Variants in ARMC6 observed in about 807,000 individuals in gnomAD.
ARMC6 encodes the protein armadillo repeat-containing protein 6.
ARMC6 carries 43 observed loss-of-function variants against 49.2 expected under a neutral mutation model. The observed-to-expected ratio is 0.87, with a 90% confidence interval of 0.69 to 1.13. ARMC6 has a LOEUF of 1.13. Ranked by LOEUF, ARMC6 falls within the 50% of genes most tolerant of loss-of-function variation. The pLI is 0.00. For synonymous variants in ARMC6, 262 were observed against 289.6 expected (o/e 0.90, Z 0.97); for missense variants, 627 against 682.0 (o/e 0.92, Z 0.90).
At chr19:19,051,467 T>C (rs1263948540) in intron 4 of ARMC6, among the ~76,000 whole-genome samples, 155 bp from the exon 5 acceptor site, 1 of 151,472 alleles carries the variant, frequency 6.6e-6, no homozygotes, top group Non-Finnish European at 1.5e-5. Flanking sequence ...GAATCACAGG[T>C]CTGGAAGTTG....
rs774018610 is a variant in ARMC6, at chr19:19,057,552, CCGCCCTG to C, written c.1433_1439del (p.Ala478GlyfsTer34). 1.1e-4 allele frequency: 185 copies of C among 1,613,724 alleles called. No homozygotes were observed. In the Admixed American group the frequency reaches 3.0e-3, roughly 26 times the overall value. ...CGTGACTGTGAGGACGTGGCCAAGG[CCGCCCTG>C]CGGGACCTGGGTTGTCATGTCGAGC... On this transcript the variant is annotated frameshift_variant, in exon 9 of 9. Coordinates refer to ENST00000535612, the MANE Select transcript of ARMC6 (RefSeq NM_001199196.2). LOFTEE classifies it high-confidence loss of function.
intron 2 of ARMC6, chr19:19,040,826 T>G (rs1173860075): frequency 9.5e-6 from 4 of 421,748 alleles, no homozygotes; most frequent in Non-Finnish European, 1.9e-5. Context: ...ATTTTGATTT[T>G]GATATGTACT....
intron 6 of ARMC6, 34 bp downstream of exon 6, chr19:19,054,355 C>T: frequency 6.8e-7 from 1 of 1,463,992 alleles, no homozygotes; most frequent in Non-Finnish European, 9.1e-7. Flanking sequence ...GCGTGCTGTC[C>T]TTCTGGGTCC....
At chr19:19,040,802 C>A in intron 2 of ARMC6, 1 of 432,410 alleles carries the variant, frequency 2.3e-6, no homozygotes, top group Admixed American at 2.7e-5. Flanking sequence ...CGTGAGCCAC[C>A]ACACCTGGCC....
chr19:19,055,699 G>A lies in ARMC6; in HGVS notation c.1156-92G>A, dbSNP rs1338913127. On this transcript the variant is annotated intron_variant, in intron 7 of 8. Coordinates refer to ENST00000535612, the MANE Select transcript of ARMC6 (RefSeq NM_001199196.2). This position sits in a 1 kb window ranked among gnomAD's most constrained non-coding sequence, Gnocchi z 5.7. ...GCCAGAGACCCACGGAGGGGAGGCC[G>A]CAGGGTGTTCACCAGGGGTTGGTGG... 12 of 1,480,404 alleles carry A rather than the reference G, an allele frequency of 8.1e-6. No individual in the cohort carries two copies. Among genetic ancestry groups the A allele is most frequent in the South Asian group, 4.0e-5 (3 of 75,214 alleles). The allele number at this position is 1,480,404 out of a possible 1,614,324, so 91.7% of individuals were successfully genotyped here.
Position 19,057,410 on chromosome 19 carries a change from C to T in ARMC6, c.1294-6C>T. The stretch of plus-strand genomic sequence containing the variant: ...TCTGGCAGCTCACAGCTGCTCTCTC[C>T]TACAGAAACAGGCTTGCATGCTGAT... On this transcript the variant is annotated splice_region_variant and splice_polypyrimidine_tract_variant and intron_variant, in intron 8 of 8. Coordinates refer to ENST00000535612, the MANE Select transcript of ARMC6 (RefSeq NM_001199196.2). 6.2e-7 allele frequency: 1 copy of T among 1,611,806 alleles called. No homozygotes were observed. Among genetic ancestry groups the T allele is most frequent in the Non-Finnish European group, 8.5e-7 (1 of 1,179,408 alleles).
At chr19:19,045,235 A>G (rs2145858214) in intron 4 of ARMC6, among the ~76,000 whole-genome samples, 1 of 151,912 alleles carries the variant, frequency 6.6e-6, no homozygotes, top group African/African-American at 2.4e-5. Context: ...CTGGTCTCGA[A>G]CTCCTGACCT....
chr19:19,052,728 C>T (rs1009846171), intron 5 of ARMC6, among the ~76,000 whole-genome samples: 3 of 152,160 alleles, frequency 2.0e-5, no homozygotes, highest in Non-Finnish European at 4.4e-5. Context: ...CTGAACCCAC[C>T]AGAAAAGTCC....
chr19:19,041,351 G>A (rs1389750287), intron 2 of ARMC6, among the ~76,000 whole-genome samples: 2 of 152,200 alleles, frequency 1.3e-5, no homozygotes, highest in East Asian at 3.9e-4. Flanking sequence ...TCGAGGTATA[G>A]GATGTACTTT....
At chr19:19,057,386 C>T (rs1343175764) in intron 8 of ARMC6, 30 bp from the exon 9 acceptor site, 1 of 1,594,738 alleles carries the variant, frequency 6.3e-7, no homozygotes, top group South Asian at 1.1e-5. Flanking sequence ...AAAGCCCCAT[C>T]TGGCAGCTCA....
chr19:19,042,928 C>T, intron 3 of ARMC6, 51 bp downstream of exon 3: 1 of 1,603,620 alleles, frequency 6.2e-7, no homozygotes, highest in Non-Finnish European at 8.5e-7. Context: ...GATGCAAGAG[C>T]AGTGGGAGAG....
chr19:19,035,031 T>C (rs1209156901), intron 2 of ARMC6, among the ~76,000 whole-genome samples: 1 of 152,080 alleles, frequency 6.6e-6, no homozygotes, highest in East Asian at 1.9e-4. Flanking sequence ...CCGGCTAGTT[T>C]TTTTGTATTT....
intron 2 of ARMC6, 76 bp from the exon 3 acceptor site, chr19:19,042,635 G>A: frequency 6.6e-7 from 1 of 1,505,654 alleles, no homozygotes; most frequent in Non-Finnish European, 9.1e-7. Flanking sequence ...TTCCTAAGTG[G>A]CGTTTTCAAG....
chr19:19,038,719 A>G (rs1342170708), intron 2 of ARMC6, among the ~76,000 whole-genome samples: 2 of 152,092 alleles, frequency 1.3e-5, no homozygotes, highest in Non-Finnish European at 2.9e-5. Flanking sequence ...CTGGGATTAC[A>G]GGCGCCCCAC....
chr19:19,056,103 T>G (rs2059542669), intron 8 of ARMC6, 175 bp downstream of exon 8: 1 of 612,532 alleles, frequency 1.6e-6, no homozygotes, highest in African/African-American at 1.9e-5. Context: ...CCAACTTCTT[T>G]CTCATCTTGC....
Position 19,044,025 on chromosome 19 carries a change from C to T in ARMC6, c.230C>T (p.Pro77Leu), listed in dbSNP as rs200040460. The T allele has an allele frequency of 2.5e-6, 4 of 1,614,150 alleles. No homozygotes were observed. The East Asian group carries it at 8.9e-5, about 36-fold the overall frequency. ...CTGAGCAACATTGTAAAGACGGCAC[C>T]TAAAGTCTCTGCAGACGGATCCCAG... The part of the protein sequence containing the change: ...VDLSNIVKTA[P>L]KVSADGSQEP... Residue 77 changes from proline to leucine, a missense_variant, in exon 4 of 9, where the codon CCT becomes CTT. By Grantham distance (98) the Pro-to-Leu change is moderately conservative (BLOSUM62 -3). Coordinates refer to ENST00000535612, the MANE Select transcript of ARMC6 (RefSeq NM_001199196.2).
chr19:19,053,745 C>T (rs1251156060), intron 5 of ARMC6, among the ~76,000 whole-genome samples: 1 of 152,160 alleles, frequency 6.6e-6, no homozygotes, highest in Non-Finnish European at 1.5e-5. Flanking sequence ...TTGGCCACGT[C>T]AGCCCAGTCC....
chr19:19,046,357 C>A lies in ARMC6; in HGVS notation c.279+2283C>A, dbSNP rs765519867. Among the ~76,000 whole-genome samples the A allele has an allele frequency of 2.0e-5, 3 of 152,040 alleles. No homozygotes were observed. In the South Asian group the frequency reaches 6.2e-4, roughly 32 times the overall value. On this transcript the variant is annotated intron_variant, in intron 4 of 8. Transcript: ENST00000535612. ...GACTACAGGCGCCTGCCATGACGCC[C>A]GGCTAATTTTTTGTATTTTTTAGTA... is the stretch of plus-strand genomic sequence containing the variant.
At chr19:19,057,206 C>A (rs561610842) in intron 8 of ARMC6, among the ~76,000 whole-genome samples, 6 of 152,382 alleles carry the variant, frequency 3.9e-5, no homozygotes, top group African/African-American at 1.4e-4. Context: ...TTCCCTGAGC[C>A]TGTTTCCTTG....
Sources: gnomAD v4.1 joint callset for allele counts (sites outside exome capture counted in the v4.1 genomes callset) on GRCh38, gnomAD v4.1.1 for gene constraint, Gnocchi (gnomAD v3.1) non-coding constraint, MANE v1.5 for transcripts, NCBI Gene and HGNC (gene_info 2026-07-23, HGNC 2026-07-21) for gene names.